The following NAV2 variants were observed in gnomAD, a reference collection of about 807,000 sequenced individuals.
The protein encoded by NAV2 is neuron navigator 2.
NAV2 carries 54 observed loss-of-function variants against 223.2 expected under a neutral mutation model. The observed-to-expected ratio is 0.24, with a 90% CI of 0.19 to 0.30. The LOEUF (loss-of-function observed/expected upper bound fraction) is 0.30, where lower values mean the gene tolerates loss of function less well. NAV2 is among the 10% of genes least tolerant of loss of function. The pLI, the probability that NAV2 is intolerant of heterozygous loss-of-function variation, is 1.00. For synonymous variants in NAV2, 1,279 were observed against 1,239.3 expected, an observed-to-expected ratio of 1.03 and a Z score of -0.67; for missense variants, 2,806 against 3,147.5, an observed-to-expected ratio of 0.89 and a Z score of 2.60.
At chr11:19,583,722 T>A (rs551623008) in intron 1 of NAV2, among the ~76,000 whole-genome samples, 212 of 152,362 alleles carry the variant, frequency 1.4e-3, no homozygotes, top group African/African-American at 4.8e-3. Flanking sequence ...ATCCCAGGGA[T>A]GAAGCCCACT....
Position 20,045,301 on chromosome 11 carries a change from G to A in NAV2, c.3533G>A (p.Gly1178Glu). 1.2e-6 allele frequency: 2 copies of A among 1,614,154 alleles called. No homozygotes were observed. The highest frequency in any genetic ancestry group is 1.7e-6 in the Non-Finnish European group (2 of 1,180,024). The stretch of plus-strand genomic sequence containing the variant: ...GATGGGGCTCAGAATCAGGATGACG[G>A]GTATCTAGCCCTAAGCTCCCGGACA... ...SMDGAQNQDD[G>E]YLALSSRTNL... Residue 1178 changes from glycine to glutamate, a missense_variant, in exon 14 of 38, where the codon GGG becomes GAG. This residue lies in a region of NAV2 where 742 missense variants were observed against 777.9 expected (regional missense o/e 0.95). Coordinates refer to ENST00000349880, the MANE Select transcript of NAV2 (RefSeq NM_145117.5).
rs558299304 is a variant in NAV2, at chr11:19,920,555, G to A, written c.932-12621G>A. On this transcript the variant is annotated intron_variant, in intron 6 of 37. Coordinates refer to ENST00000349880, the MANE Select transcript of NAV2 (RefSeq NM_145117.5). ...ACCCACCTTGGCCTCCCAAAGGGCTGGGATTACAGGCATGAGTCACCGAGC... is the reference window on the plus strand; with the variant it reads ...ACCCACCTTGGCCTCCCAAAGGGCTAGGATTACAGGCATGAGTCACCGAGC... Among the ~76,000 whole-genome samples the A allele has an allele frequency of 3.3e-5, 5 of 152,292 alleles. No homozygotes were observed. In the East Asian group the frequency reaches 5.8e-4, roughly 18 times the overall value.
intron 1 of NAV2, among the ~76,000 whole-genome samples, chr11:19,787,685 T>C (rs961277744): frequency 6.6e-5 from 10 of 151,986 alleles, no homozygotes; most frequent in Admixed American, 6.6e-4. Flanking sequence ...CTTAGAGAGG[T>C]GCTGGAAAAG....
At chr11:19,367,793 G>T (rs1848338186) in intron 1 of NAV2, among the ~76,000 whole-genome samples, 1 of 152,150 alleles carries the variant, frequency 6.6e-6, no homozygotes, top group Admixed American at 6.5e-5. Flanking sequence ...CTTTCTTATG[G>T]CTCTATCCTT....
intron 1 of NAV2, among the ~76,000 whole-genome samples, chr11:19,354,054 C>T (rs925302117): frequency 2.0e-5 from 3 of 152,162 alleles, no homozygotes; most frequent in East Asian, 1.9e-4. Flanking sequence ...TATTATTAAT[C>T]CCTTATAGAT....
intron 1 of NAV2, among the ~76,000 whole-genome samples, chr11:19,361,039 G>T (rs930210214): frequency 1.3e-5 from 2 of 152,020 alleles, no homozygotes; most frequent in Admixed American, 6.6e-5. Flanking sequence ...GCCTCAGAAA[G>T]TCCTGGGAAA....
rs139780708 is a variant in NAV2, at chr11:19,529,883, G to A, written c.75+178856G>A. On this transcript the variant is annotated intron_variant, in intron 1 of 37. Coordinates refer to the NAV2 transcript ENST00000360655. ...GATAATTTAGAGTGGAACACAAAGC[G>A]TCATTTTTCTTTACAGAAGGAAAAC... is the stretch of plus-strand genomic sequence containing the variant. Among the ~76,000 whole-genome samples, 681 of 152,278 alleles carry A rather than the reference G, an allele frequency of 4.5e-3. 4 individuals are homozygous for A. Among genetic ancestry groups the A allele is most frequent in the African/African-American group, 0.015 (623 of 41,518 alleles).
At chr11:20,081,378 C>T (rs949084688) in intron 25 of NAV2, among the ~76,000 whole-genome samples, 5 of 152,148 alleles carry the variant, frequency 3.3e-5, no homozygotes, top group African/African-American at 1.2e-4. Context: ...ATATTTTCTA[C>T]GAAAAATAGT....
intron 1 of NAV2, among the ~76,000 whole-genome samples, chr11:19,592,480 T>C (rs1405470401): frequency 1.3e-5 from 2 of 152,168 alleles, no homozygotes; most frequent in Non-Finnish European, 2.9e-5. Flanking sequence ...TGAATTTGAA[T>C]TATATTTTTG....
intron 1 of NAV2, among the ~76,000 whole-genome samples, chr11:19,693,091 C>A (rs2049228458): frequency 6.6e-6 from 1 of 152,234 alleles, no homozygotes; most frequent in Non-Finnish European, 1.5e-5. Context: ...TCATTTGGTG[C>A]CCTCCTGCCC....
At chr11:19,714,372 G>A in intron 1 of NAV2, 1 of 472,204 alleles carries the variant, frequency 2.1e-6, no homozygotes, top group Non-Finnish European at 4.2e-6. Flanking sequence ...TTCCGGACAA[G>A]GAATGATCTA....
At chr11:19,531,711 A>T (rs1486075702) in intron 1 of NAV2, among the ~76,000 whole-genome samples, 1 of 152,170 alleles carries the variant, frequency 6.6e-6, no homozygotes, top group African/African-American at 2.4e-5. Context: ...ACATGTTGAA[A>T]AGCCATTGTG....
At chr11:19,633,981 C>T (rs190367767) in intron 1 of NAV2, among the ~76,000 whole-genome samples, 1 of 152,322 alleles carries the variant, frequency 6.6e-6, no homozygotes, top group East Asian at 1.9e-4. Flanking sequence ...TAAATTTAAA[C>T]AGCCTAGCAC....
intron 5 of NAV2, among the ~76,000 whole-genome samples, chr11:19,890,766 C>G (rs1161076473): frequency 1.3e-5 from 2 of 152,174 alleles, no homozygotes; most frequent in African/African-American, 4.8e-5. Flanking sequence ...TACTAAGATC[C>G]CACTGCTGGA....
intron 11 of NAV2, chr11:20,027,155 G>A (rs2055167929): frequency 1.7e-6 from 1 of 588,646 alleles, no homozygotes. Context: ...TGATGCTCCC[G>A]AGAAAACCTC....
At chr11:20,007,117 C>T (rs777932718) in intron 11 of NAV2, among the ~76,000 whole-genome samples, 9 of 151,958 alleles carry the variant, frequency 5.9e-5, no homozygotes, top group Non-Finnish European at 8.8e-5. Flanking sequence ...CCACCATGCC[C>T]GGCTAATTTT....
At chr11:19,711,707 T>C (rs776701408), upstream of NAV2, 2 of 152,182 alleles carry the variant, frequency 1.3e-5, no homozygotes, top group Non-Finnish European at 2.9e-5. Flanking sequence ...AGAGATGACT[T>C]TGGGGGAAAG....
chr11:20,091,351 G>C (rs982632867), intron 27 of NAV2, among the ~76,000 whole-genome samples: 1 of 152,150 alleles, frequency 6.6e-6, no homozygotes, highest in African/African-American at 2.4e-5. Flanking sequence ...CCTCTTCCCA[G>C]AATCTACTCG....
At chr11:19,678,868 G>A (rs1322937959) in intron 1 of NAV2, among the ~76,000 whole-genome samples, 2 of 152,170 alleles carry the variant, frequency 1.3e-5, no homozygotes, top group East Asian at 3.8e-4. Context: ...GAATGGATGA[G>A]TACATTCCCC....
Sources: allele counts gnomAD v4.1 joint callset (sites outside exome capture counted in the v4.1 genomes callset), GRCh38; gene constraint gnomAD v4.1.1; regional missense constraint gnomAD v4.1.1; transcripts MANE v1.5; gene names NCBI Gene and HGNC (gene_info 2026-07-23, HGNC 2026-07-21).